Variants in UNC5B observed in about 807,000 individuals in gnomAD.
UNC5B encodes netrin receptor UNC5B.
Under a neutral mutation model 103.7 loss-of-function variants are expected in UNC5B, and 56 were observed. The ratio of observed to expected loss-of-function variants is 0.54; its 90% CI spans 0.44 to 0.67. The LOEUF is 0.67. Among genes scored for constraint, UNC5B ranks in the 30% least tolerant of loss-of-function variants. UNC5B has a pLI of 0.00. For synonymous variants in UNC5B, 577 were observed against 542.0 expected, an observed-to-expected ratio of 1.06 and a Z score of -0.90; for missense variants, 1,194 against 1,284.5, an observed-to-expected ratio of 0.93 and a Z score of 1.08.
In UNC5B at chr10:71,286,853, C is replaced by T; in HGVS notation, c.717C>T (p.Ala239=). 3 of 1,614,112 alleles carry T rather than the reference C, an allele frequency of 1.9e-6. No homozygotes were observed. Among genetic ancestry groups the T allele is most frequent in the Non-Finnish European group, 2.5e-6 (3 of 1,179,962 alleles). ...NIVAKRRSTT[A]TVIVYVNGGW... is the part of the protein sequence containing the mutation. ...TGGCCAAACGCCGGAGCACCACTGC[C>T]ACCGTCATCGTCTACGGTGCGGGCC... Residue 239 remains alanine (A), a synonymous_variant, in exon 5 of 17, where the codon GCC becomes GCT. Transcript: ENST00000335350.
At chr10:71,256,870 G>C (rs1275971168) in intron 1 of UNC5B, among the ~76,000 whole-genome samples, 1 of 152,252 alleles carries the variant, frequency 6.6e-6, no homozygotes. Flanking sequence ...ACTGAGCTGA[G>C]ACAAGAACCC....
Position 71,213,204 on chromosome 10 carries a change from C to G in UNC5B, c.79+140C>G. 1.5e-6 allele frequency: 1 copy of G among 647,454 alleles called. No individual in the cohort carries two copies. The highest frequency in any genetic ancestry group is 2.2e-6 in the Non-Finnish European group (1 of 452,708). 40.1% of individuals were successfully genotyped at this position (647,454 alleles called of 1,614,324 possible). A position where few individuals can be genotyped will look rare whatever the true frequency, so the allele number is the denominator to read the frequency against. ...CGCCCAAGTTAGAATGTAGATTTTA[C>G]TGCCTCCCAAAGTGGGCAATGGCGC... is the stretch of plus-strand genomic sequence containing the variant. On this transcript the variant is annotated intron_variant, in intron 1 of 16. Coordinates refer to ENST00000335350, the MANE Select transcript of UNC5B (RefSeq NM_170744.5). The surrounding 1 kb of genome is among the most constrained non-coding windows in gnomAD (Gnocchi z 4.1).
intron 13 of UNC5B, 23 bp from the exon 14 acceptor site, chr10:71,295,788 T>C (rs1845392553): frequency 2.5e-6 from 4 of 1,607,676 alleles, no homozygotes; most frequent in Non-Finnish European, 2.5e-6. Flanking sequence ...TGGGTTCCCC[T>C]TCCCCATGCC....
chr10:71,256,017 A>G (rs1355163829), intron 1 of UNC5B, among the ~76,000 whole-genome samples: 9 of 152,216 alleles, frequency 5.9e-5, no homozygotes, highest in African/African-American at 1.9e-4. Flanking sequence ...GGGCGGGGGC[A>G]TGTTCTCAGT....
At chr10:71,279,524 C>G (rs1844860682) in intron 1 of UNC5B, among the ~76,000 whole-genome samples, 1 of 152,230 alleles carries the variant, frequency 6.6e-6, no homozygotes, top group Admixed American at 6.5e-5. Flanking sequence ...ATCGCCTCCC[C>G]TCCCGGGACC....
chr10:71,285,170 C>T (rs567007719), intron 3 of UNC5B, among the ~76,000 whole-genome samples, 156 bp from the exon 4 acceptor site: 4 of 152,354 alleles, frequency 2.6e-5, no homozygotes, highest in African/African-American at 9.6e-5. Flanking sequence ...TAGTGAGACC[C>T]CTCCTTTGGA....
chr10:71,296,852 G>GCC (rs1271999075), intron 15 of UNC5B, 110 bp downstream of exon 15: 1 of 555,912 alleles, frequency 1.8e-6, no homozygotes, highest in African/African-American at 2.2e-5. Context: ...GGTGAGGGAA[G>GCC]GGTGGGGCAG....
At chr10:71,231,435 C>T (rs527930711) in intron 1 of UNC5B, among the ~76,000 whole-genome samples, 1 of 152,318 alleles carries the variant, frequency 6.6e-6, no homozygotes, top group African/African-American at 2.4e-5. Context: ...TCCTGGCCCC[C>T]TGCCTCTTTT....
At chr10:71,241,969 C>T (rs2132259868) in intron 1 of UNC5B, among the ~76,000 whole-genome samples, 1 of 152,254 alleles carries the variant, frequency 6.6e-6, no homozygotes, top group Non-Finnish European at 1.5e-5. Flanking sequence ...GGAGGTGAGA[C>T]TTGCCTAGCA....
chr10:71,297,886 A>G, intron 15 of UNC5B, 23 bp from the exon 16 acceptor site: 1 of 1,599,568 alleles, frequency 6.3e-7, no homozygotes, highest in Non-Finnish European at 8.5e-7. Context: ...TGCCCCTCTC[A>G]CTCTTGGCCC....
At chr10:71,260,756 G>A (rs941199493) in intron 1 of UNC5B, among the ~76,000 whole-genome samples, 1 of 152,244 alleles carries the variant, frequency 6.6e-6, no homozygotes, top group Non-Finnish European at 1.5e-5. Context: ...GAAGACGGGA[G>A]GAGGAGGTAG....
rs574604729 is a variant in UNC5B, at chr10:71,296,488, C to G, written c.2326-90C>G. The G allele has an allele frequency of 8.1e-6, 12 of 1,477,764 alleles. No homozygotes were observed. The East Asian group carries it at 1.9e-4, about 24-fold the overall frequency. 91.5% of individuals were successfully genotyped at this position (1,477,764 alleles called of 1,614,324 possible). On this transcript the variant is annotated intron_variant, in intron 14 of 16. Coordinates refer to ENST00000335350, the MANE Select transcript of UNC5B (RefSeq NM_170744.5). ...GGGTGGAGAGGCCTGAACTGCCCCC[C>G]AAAGCTCCCAACCCTCCCTGAGCCT...
intron 1 of UNC5B, among the ~76,000 whole-genome samples, chr10:71,231,394 G>A (rs964928713): frequency 4.6e-5 from 7 of 152,182 alleles, no homozygotes; most frequent in East Asian, 1.9e-4. Context: ...TCCAGGTCTC[G>A]GCTCCAATGG....
At chr10:71,246,237 C>T (rs964249102) in intron 1 of UNC5B, among the ~76,000 whole-genome samples, 32 of 152,170 alleles carry the variant, frequency 2.1e-4, no homozygotes, top group African/African-American at 7.5e-4. Flanking sequence ...GCTTGGGGGG[C>T]TGCATACTGT....
At chr10:71,297,627 G>T (rs1845475205) in intron 15 of UNC5B, among the ~76,000 whole-genome samples, 1 of 152,252 alleles carries the variant, frequency 6.6e-6, no homozygotes, top group African/African-American at 2.4e-5. Context: ...TTAGACTGTG[G>T]CTGGGCCTCC....
chr10:71,242,010 C>T (rs1055299760), intron 1 of UNC5B, among the ~76,000 whole-genome samples: 1 of 152,154 alleles, frequency 6.6e-6, no homozygotes, highest in Non-Finnish European at 1.5e-5. Context: ...TGCCCACACA[C>T]GACCTGGTGC....
intron 1 of UNC5B, among the ~76,000 whole-genome samples, chr10:71,245,415 G>A (rs549320346): frequency 2.6e-5 from 4 of 152,150 alleles, no homozygotes; most frequent in African/African-American, 9.7e-5. Context: ...TGGCAGGGGG[G>A]ACCCTTCTAT....
chr10:71,250,557 G>C (rs1223193772), intron 1 of UNC5B, among the ~76,000 whole-genome samples: 1 of 152,146 alleles, frequency 6.6e-6, no homozygotes, highest in Non-Finnish European at 1.5e-5. Context: ...GAAAGTTTGA[G>C]GGTGACTTCC....
chr10:71,212,879 C>A lies in UNC5B; in HGVS notation c.-107C>A, dbSNP rs1054096690. ...GGCACGGGCTGGCGCTGCCGGGCGC[C>A]GGGGAGGACGGCGAGGAGGAGGCGG... On this transcript the variant is annotated 5_prime_UTR_variant, in exon 1 of 17. Transcript: ENST00000335350. The A allele has an allele frequency of 1.0e-6, 1 of 957,918 alleles. No homozygotes were observed. Among genetic ancestry groups the A allele is most frequent in the Non-Finnish European group, 1.4e-6 (1 of 739,268 alleles). The allele number at this position is 957,918 out of a possible 1,614,324, so 59.3% of individuals were successfully genotyped here.
Sources: allele counts gnomAD v4.1 joint callset (sites outside exome capture counted in the v4.1 genomes callset), GRCh38; gene constraint gnomAD v4.1.1; non-coding constraint Gnocchi (gnomAD v3.1); transcripts MANE v1.5; gene names NCBI Gene and HGNC (gene_info 2026-07-23, HGNC 2026-07-21).